Variants in SEMA5A observed in about 807,000 individuals in gnomAD.
The protein encoded by SEMA5A is semaphorin-5A.
A neutral mutation model predicts 135.5 loss-of-function variants in SEMA5A; 55 were observed. That is an observed-to-expected ratio of 0.41 (90% CI 0.33 to 0.51). The LOEUF is 0.51. SEMA5A is among the 20% of genes least tolerant of loss of function. The pLI, the probability that SEMA5A is intolerant of heterozygous loss-of-function variation, is 0.37. For synonymous variants in SEMA5A, 580 were observed against 546.5 expected (o/e 1.06, Z -0.85); for missense variants, 1,290 against 1,419.9 (o/e 0.91, Z 1.47).
At chr5:9,439,261 C>A (rs960305970) in intron 1 of SEMA5A, among the ~76,000 whole-genome samples, 14 of 152,214 alleles carry the variant, frequency 9.2e-5, no homozygotes, top group African/African-American at 3.4e-4. Flanking sequence ...TGGCCAATTT[C>A]TTTTACACAA....
chr5:9,292,940 A>T (rs1751156659), intron 5 of SEMA5A, among the ~76,000 whole-genome samples: 1 of 152,150 alleles, frequency 6.6e-6, no homozygotes, highest in Admixed American at 6.5e-5. Flanking sequence ...CATGACCAAG[A>T]ATTATCTGGC....
At chr5:9,065,070 T>C (rs1347294771) in intron 17 of SEMA5A, among the ~76,000 whole-genome samples, 1 of 152,262 alleles carries the variant, frequency 6.6e-6, no homozygotes, top group East Asian at 1.9e-4. Context: ...GGTATTTGTT[T>C]AAGTTGTACA....
At chr5:9,074,126 T>TG (rs1239067758) in intron 16 of SEMA5A, among the ~76,000 whole-genome samples, 2 of 152,106 alleles carry the variant, frequency 1.3e-5, no homozygotes, top group African/African-American at 4.8e-5. Context: ...CAAGATTCTG[T>TG]GGTATAAGCA....
rs576715496 is a variant in SEMA5A, at chr5:9,436,195, C to G, written c.-78+1561G>C. On this transcript the variant is annotated intron_variant, in intron 2 of 22. Transcript: ENST00000382496. ...ATCTCACTCAGCACAGGGCCTGACA[C>G]ACAATGAGGACTTACATTAGCTAAT... Among the ~76,000 whole-genome samples the G allele has an allele frequency of 2.0e-5, 3 of 152,308 alleles. No individual in the cohort carries two copies. The South Asian group carries it at 6.2e-4, about 32-fold the overall frequency.
intron 13 of SEMA5A, among the ~76,000 whole-genome samples, chr5:9,124,388 C>T (rs2150190218): frequency 6.6e-6 from 1 of 152,262 alleles, no homozygotes; most frequent in East Asian, 1.9e-4. Flanking sequence ...ATCACATGCC[C>T]AGAAACCAGC....
chr5:9,073,098 C>A (rs1737858446), intron 16 of SEMA5A, among the ~76,000 whole-genome samples: 1 of 152,004 alleles, frequency 6.6e-6, no homozygotes, highest in South Asian at 2.1e-4. Context: ...TTCTATGAGG[C>A]CAACTTTGAT....
At chr5:9,287,984 A>C (rs946745151) in intron 5 of SEMA5A, among the ~76,000 whole-genome samples, 1 of 152,188 alleles carries the variant, frequency 6.6e-6, no homozygotes, top group African/African-American at 2.4e-5. Flanking sequence ...GTAGATTCTG[A>C]ATATTGCTGT....
chr5:9,182,172 C>T (rs1374232623), intron 11 of SEMA5A, among the ~76,000 whole-genome samples: 4 of 135,274 alleles, frequency 3.0e-5, no homozygotes, highest in Non-Finnish European at 3.1e-5. Flanking sequence ...AAAAAAAATA[C>T]GCTTCCTGAG....
intron 3 of SEMA5A, among the ~76,000 whole-genome samples, chr5:9,372,436 T>G (rs1755177802): frequency 6.6e-6 from 1 of 152,016 alleles, no homozygotes; most frequent in South Asian, 2.1e-4. Flanking sequence ...TGTGGAACCA[T>G]GGGACACACA....
At chr5:9,463,766 C>T (rs949913283) in intron 1 of SEMA5A, among the ~76,000 whole-genome samples, 2 of 152,112 alleles carry the variant, frequency 1.3e-5, no homozygotes, top group Non-Finnish European at 2.9e-5. Flanking sequence ...AGATGCTAGA[C>T]CACCAAAGTT....
intron 9 of SEMA5A, 129 bp downstream of exon 9, chr5:9,201,826 T>C: frequency 1.2e-6 from 1 of 850,076 alleles, no homozygotes; most frequent in Admixed American, 3.0e-5. Flanking sequence ...CCTCTTTTTT[T>C]GTCTGTTAGC....
chr5:9,522,462 A>G (rs1208641653), intron 1 of SEMA5A, among the ~76,000 whole-genome samples: 1 of 152,078 alleles, frequency 6.6e-6, no homozygotes, highest in African/African-American at 2.4e-5. Flanking sequence ...GCGTGCCTCT[A>G]ATCTCAGCTA....
intron 1 of SEMA5A, among the ~76,000 whole-genome samples, chr5:9,443,437 G>T (rs755673369): frequency 6.6e-6 from 1 of 152,144 alleles, no homozygotes. Flanking sequence ...CTGAAATGGT[G>T]CAGCCAACTG....
chr5:9,154,093 ATG>A lies in SEMA5A; in HGVS notation c.1481+393_1481+394del, dbSNP rs1553993817. Among the ~76,000 whole-genome samples, 124 of 73,488 alleles carry A rather than the reference ATG, an allele frequency of 1.7e-3. 1 individual carries two copies. The highest frequency in any genetic ancestry group is 6.5e-3 in the African/African-American group (115 of 17,802). The allele number at this position is 73,488 out of a possible 152,430, so 48.2% of individuals were successfully genotyped here. A position where few individuals can be genotyped will look rare whatever the true frequency, so the allele number is the denominator to read the frequency against. On this transcript the variant is annotated intron_variant, in intron 12 of 22. Transcript: ENST00000382496. The stretch of plus-strand genomic sequence containing the variant: ...TATATATATATATATATATATATAT[ATG>A]TGTGTGTGTGTATGTGTGTGTATGT...
At chr5:9,309,530 C>T (rs1752026550) in intron 5 of SEMA5A, among the ~76,000 whole-genome samples, 1 of 152,140 alleles carries the variant, frequency 6.6e-6, no homozygotes, top group African/African-American at 2.4e-5. Flanking sequence ...TGATCCTCCA[C>T]TCGAATTTGT....
At chr5:9,512,112 A>T (rs1206112768) in intron 1 of SEMA5A, 1 of 152,176 alleles carries the variant, frequency 6.6e-6, no homozygotes, top group African/African-American at 2.4e-5. Flanking sequence ...AAAGGAAGTC[A>T]AAATTGTGGC....
intron 5 of SEMA5A, among the ~76,000 whole-genome samples, chr5:9,297,998 T>C (rs1751426616): frequency 6.6e-6 from 1 of 152,146 alleles, no homozygotes; most frequent in South Asian, 2.1e-4. Context: ...TAAAGTTAGG[T>C]GACCAAAATG....
At chr5:9,303,158 C>A (rs1751695548) in intron 5 of SEMA5A, among the ~76,000 whole-genome samples, 1 of 151,114 alleles carries the variant, frequency 6.6e-6, no homozygotes, top group African/African-American at 2.4e-5. Context: ...GCTCTGTTGC[C>A]CAGGCTAGAG....
intron 6 of SEMA5A, among the ~76,000 whole-genome samples, chr5:9,229,155 CAGTAAT>C (rs750520551): frequency 4.6e-5 from 7 of 152,288 alleles, no homozygotes; most frequent in Admixed American, 6.5e-5. Flanking sequence ...TTATTCCTAA[CAGTAAT>C]AGTAACCACT....
Sources: gnomAD v4.1 joint callset for allele counts (sites outside exome capture counted in the v4.1 genomes callset) on GRCh38, gnomAD v4.1.1 for gene constraint, MANE v1.5 for transcripts, NCBI Gene and HGNC (gene_info 2026-07-23, HGNC 2026-07-21) for gene names.